MPPED2: variants seen among roughly 807,000 people sequenced by gnomAD.
MPPED2 encodes metallophosphoesterase MPPED2.
A neutral mutation model predicts 33.0 loss-of-function variants in MPPED2; 5 were observed. That is an observed-to-expected ratio of 0.15 (90% CI 0.08 to 0.32). The LOEUF (loss-of-function observed/expected upper bound fraction) is 0.32, where lower values mean the gene tolerates loss of function less well. Ranked by LOEUF, MPPED2 falls within the 10% of genes least tolerant of loss-of-function variation. The pLI is 1.00. For synonymous variants in MPPED2, 136 were observed against 141.9 expected (o/e 0.96, Z 0.29); for missense variants, 275 against 372.1 (o/e 0.74, Z 2.15).
chr11:30,388,888 A>G (rs140384799), exon 7 of MPPED2: 4 of 1,561,018 alleles, frequency 2.6e-6, no homozygotes, highest in African/African-American at 1.4e-5. Context: ...TTTCCTCTAG[A>G]CTAGGAAGTT....
intron 3 of MPPED2, among the ~76,000 whole-genome samples, chr11:30,501,261 A>AT (rs1174371462): frequency 6.6e-6 from 1 of 152,220 alleles, no homozygotes; most frequent in Non-Finnish European, 1.5e-5. Context: ...GCCAGGCACA[A>AT]TGTCACTACT....
intron 4 of MPPED2, among the ~76,000 whole-genome samples, chr11:30,447,652 C>T (rs1420541259): frequency 1.3e-5 from 2 of 152,100 alleles, no homozygotes; most frequent in East Asian, 1.9e-4. Context: ...CAGGTGCAAA[C>T]GGGCATACGA....
chr11:30,450,905 A>G (rs1220384538), intron 4 of MPPED2, among the ~76,000 whole-genome samples: 1 of 152,254 alleles, frequency 6.6e-6, no homozygotes, highest in African/African-American at 2.4e-5. Flanking sequence ...CAGTAAAAAT[A>G]CTGAACCCGA....
At chr11:30,456,568 G>C (rs952689877) in intron 4 of MPPED2, among the ~76,000 whole-genome samples, 1 of 151,930 alleles carries the variant, frequency 6.6e-6, no homozygotes, top group Non-Finnish European at 1.5e-5. Flanking sequence ...GTGTGTGTCT[G>C]TGTGTGTGTA....
chr11:30,472,319 C>T (rs1008446673), intron 4 of MPPED2, among the ~76,000 whole-genome samples: 10 of 151,930 alleles, frequency 6.6e-5, no homozygotes, highest in Admixed American at 6.6e-4. Context: ...CGTGGTGGTG[C>T]CATAGCGCTC....
chr11:30,443,093 T>C (rs552147913), intron 4 of MPPED2, among the ~76,000 whole-genome samples: 1 of 152,224 alleles, frequency 6.6e-6, no homozygotes, highest in South Asian at 2.1e-4. Flanking sequence ...CTTTCTCTGC[T>C]CATAGACACA....
intron 4 of MPPED2, among the ~76,000 whole-genome samples, chr11:30,430,506 T>C (rs77646739): frequency 3.3e-5 from 5 of 152,268 alleles, no homozygotes; most frequent in Non-Finnish European, 7.3e-5. Context: ...ATTACCTATG[T>C]AGTTCACGTT....
chr11:30,510,880 C>T (rs1590646834), intron 3 of MPPED2, among the ~76,000 whole-genome samples: 1 of 152,180 alleles, frequency 6.6e-6, no homozygotes, highest in East Asian at 1.9e-4. Flanking sequence ...AAGTTGATCC[C>T]TTACTAGGAA....
chr11:30,532,595 G>A (rs1954589332), intron 3 of MPPED2, among the ~76,000 whole-genome samples: 1 of 152,172 alleles, frequency 6.6e-6, no homozygotes, highest in Non-Finnish European at 1.5e-5. Context: ...CCACCGTAAG[G>A]TGTATTATCA....
At chr11:30,494,757 A>AAAAAAAAAAAAAAAAAAAAAAAAAAG (rs768924251) in intron 4 of MPPED2, among the ~76,000 whole-genome samples, 1 of 120,882 alleles carries the variant, frequency 8.3e-6, no homozygotes, top group African/African-American at 4.8e-5. Flanking sequence ...AAAAAAAAAA[A>AAAAAAAAAAAAAAAAAAAAAAAAAAG]AAAGAAAGAA....
chr11:30,512,192 A>G (rs1953247121), intron 3 of MPPED2, among the ~76,000 whole-genome samples: 1 of 152,180 alleles, frequency 6.6e-6, no homozygotes, highest in African/African-American at 2.4e-5. Context: ...TGTCCTCATG[A>G]CTAGGGCCAT....
intron 4 of MPPED2, among the ~76,000 whole-genome samples, chr11:30,429,821 C>T (rs1949001480): frequency 1.3e-5 from 2 of 152,306 alleles, no homozygotes; most frequent in Admixed American, 6.5e-5. Context: ...AAGCTTTCCC[C>T]AATCCCCTCA....
chr11:30,574,737 G>T (rs1956847712), intron 2 of MPPED2, among the ~76,000 whole-genome samples: 1 of 152,030 alleles, frequency 6.6e-6, no homozygotes, highest in South Asian at 2.1e-4. Flanking sequence ...TACAGGCCAG[G>T]CATAAGGACT....
intron 2 of MPPED2, among the ~76,000 whole-genome samples, chr11:30,555,908 CCCATACTGA>C (rs1462321569): frequency 2.6e-5 from 4 of 152,132 alleles, no homozygotes; most frequent in Non-Finnish European, 5.9e-5. Flanking sequence ...TTTTAATACT[CCCATACTGA>C]CATGTTCTTT....
chr11:30,543,043 T>G (rs1262193268), intron 2 of MPPED2, among the ~76,000 whole-genome samples: 1 of 152,196 alleles, frequency 6.6e-6, no homozygotes, highest in Non-Finnish European at 1.5e-5. Flanking sequence ...ATAATTTACA[T>G]GAGAAGTGAA....
At chr11:30,453,875 T>A (rs1001895380) in intron 4 of MPPED2, among the ~76,000 whole-genome samples, 1 of 152,182 alleles carries the variant, frequency 6.6e-6, no homozygotes, top group Non-Finnish European at 1.5e-5. Context: ...AGGAGGGGAC[T>A]GGGACCACAT....
In MPPED2 at chr11:30,528,747, T is replaced by C. The variant is rs368663568; in HGVS notation, c.310+7247A>G. On this transcript the variant is annotated intron_variant, in intron 3 of 6. Transcript: ENST00000358117. ...AGCTCAAACTACAAGTGTGTGCCAC[T>C]GCATCCAGCTATCGTCATCTTTTAA... Among the ~76,000 whole-genome samples, 39 of 152,308 alleles carry C rather than the reference T, an allele frequency of 2.6e-4. No homozygotes were observed. The South Asian group carries it at 7.9e-3, about 31-fold the overall frequency.
intron 2 of MPPED2, among the ~76,000 whole-genome samples, chr11:30,557,331 C>G (rs1956019175): frequency 6.6e-6 from 1 of 151,024 alleles, no homozygotes; most frequent in Admixed American, 6.6e-5. Context: ...AATTAAAACG[C>G]TTTGTTGGAG....
At chr11:30,515,177 T>C (rs1953456041) in intron 3 of MPPED2, among the ~76,000 whole-genome samples, 1 of 152,160 alleles carries the variant, frequency 6.6e-6, no homozygotes, top group African/African-American at 2.4e-5. Flanking sequence ...ATTATCCTCT[T>C]TTACAGAGGA....
Sources: allele counts gnomAD v4.1 joint callset (sites outside exome capture counted in the v4.1 genomes callset), GRCh38; gene constraint gnomAD v4.1.1; transcripts MANE v1.5; gene names NCBI Gene and HGNC (gene_info 2026-07-23, HGNC 2026-07-21).